The following ROR2 variants were observed in gnomAD, a reference collection of about 807,000 sequenced individuals.
ROR2 encodes ROR family WNT receptor 2.
Under a neutral mutation model 74.9 loss-of-function variants are expected in ROR2, and 33 were observed. The observed-to-expected ratio is 0.44, with a 90% CI of 0.33 to 0.59. ROR2 has a LOEUF of 0.59. Among genes scored for constraint, ROR2 ranks in the 20% least tolerant of loss-of-function variants. The pLI, the probability that ROR2 is intolerant of heterozygous loss-of-function variation, is 0.02. For missense variants in ROR2, 1,216 were observed against 1,313.8 expected (o/e 0.93, Z 1.15); for synonymous variants, 586 against 558.7 (o/e 1.05, Z -0.69).
At position 91,741,313 on chromosome 9, in the gene ROR2, A is replaced by G. The variant is rs202237227; in HGVS notation, c.495-3795T>C. ...GACTCTGTCTCAAGTAGTAATAATA[A>G]TAATAATAATAATAATAATAATAAT... On this transcript the variant is annotated intron_variant, in intron 4 of 8. Coordinates refer to ENST00000375708, the MANE Select transcript of ROR2 (RefSeq NM_004560.4). Among the ~76,000 whole-genome samples, 630 of 128,352 alleles carry G rather than the reference A, an allele frequency of 4.9e-3. 4 individuals carry two copies. The highest frequency in any genetic ancestry group is 7.6e-3 in the Non-Finnish European group (479 of 62,896). 84.2% of individuals were successfully genotyped at this position (128,352 alleles called of 152,430 possible).
chr9:91,926,751 C>T (rs1260269604), intron 1 of ROR2, among the ~76,000 whole-genome samples: 1 of 151,552 alleles, frequency 6.6e-6, no homozygotes. Context: ...AAAGGACAAA[C>T]ACTATACGAG....
intron 1 of ROR2, among the ~76,000 whole-genome samples, chr9:91,907,639 G>A (rs572781069): frequency 7.7e-4 from 117 of 152,216 alleles, no homozygotes; most frequent in African/African-American, 2.6e-3. Flanking sequence ...GAAACCTGGC[G>A]CTTCCCACTC....
At chr9:91,887,738 CAAATT>C (rs1320118752) in intron 1 of ROR2, among the ~76,000 whole-genome samples, 1 of 148,594 alleles carries the variant, frequency 6.7e-6, no homozygotes, top group Non-Finnish European at 1.5e-5. Flanking sequence ...ACGGGGCGTA[CAAATT>C]CAACGCCCTC....
intron 2 of ROR2, among the ~76,000 whole-genome samples, chr9:91,766,230 G>A (rs924849638): frequency 2.0e-5 from 3 of 152,148 alleles, no homozygotes; most frequent in African/African-American, 4.8e-5. Flanking sequence ...ACTCCATGAC[G>A]CCTTCAGAAT....
chr9:91,782,854 T>C (rs1826670435), intron 1 of ROR2, among the ~76,000 whole-genome samples: 1 of 152,198 alleles, frequency 6.6e-6, no homozygotes, highest in South Asian at 2.1e-4. Context: ...CAGGGGTAAA[T>C]GTCTGCTATG....
intron 1 of ROR2, among the ~76,000 whole-genome samples, chr9:91,860,507 C>G (rs554630597): frequency 1.3e-5 from 2 of 152,334 alleles, no homozygotes; most frequent in East Asian, 1.9e-4. Context: ...ATTTGGGGAA[C>G]TGGCTCACAG....
intron 1 of ROR2, among the ~76,000 whole-genome samples, chr9:91,785,762 G>A (rs1460800265): frequency 6.6e-6 from 1 of 152,152 alleles, no homozygotes; most frequent in African/African-American, 2.4e-5. Context: ...ATGGGCTCCT[G>A]TTCCTCCACA....
Position 91,733,052 on chromosome 9 carries a change from C to T in ROR2, c.937+70G>A. ...GGGCTCCCTGGGCTTCACCGACACC[C>T]CCATACACATTTCAAGGGCCCTACA... On this transcript the variant is annotated intron_variant, in intron 6 of 8. Coordinates refer to ENST00000375708, the MANE Select transcript of ROR2 (RefSeq NM_004560.4). The surrounding 1 kb of genome is among the most constrained non-coding windows in gnomAD (Gnocchi z 5.7). 2.1e-6 allele frequency: 3 copies of T among 1,439,926 alleles called. No homozygotes were observed. The highest frequency in any genetic ancestry group is 2.5e-5 in the South Asian group (2 of 81,190). 89.2% of individuals were successfully genotyped at this position (1,439,926 alleles called of 1,614,324 possible). A position where few individuals can be genotyped will look rare whatever the true frequency, so the allele number is the denominator to read the frequency against.
Position 91,733,465 on chromosome 9 carries a change from G to A in ROR2, c.623-29C>T, listed in dbSNP as rs199565002. 4.0e-4 allele frequency: 636 copies of A among 1,599,912 alleles called. 3 individuals are homozygous for A. The African/African-American group carries it at 7.0e-3, about 18-fold the overall frequency. Reference sequence around the variant, plus strand: ...CAGAGCCCGCGAGACTCGCGTTAGCGGGGGACCCACCTTGCGCCCTTGACA... The same window carrying A: ...CAGAGCCCGCGAGACTCGCGTTAGCAGGGGACCCACCTTGCGCCCTTGACA... On this transcript the variant is annotated intron_variant, in intron 5 of 8. Transcript: ENST00000375708. The surrounding 1 kb of genome is among the most constrained non-coding windows in gnomAD (Gnocchi z 5.7).
intron 1 of ROR2, among the ~76,000 whole-genome samples, chr9:91,932,661 C>CA (rs200420615): frequency 0.067 from 8,634 of 129,524 alleles, 520 homozygotes; most frequent in East Asian, 0.27. Flanking sequence ...GAGACTGTCT[C>CA]AAAAAAAAAA....
intron 1 of ROR2, among the ~76,000 whole-genome samples, chr9:91,830,599 C>G (rs1296907422): frequency 6.6e-6 from 1 of 152,142 alleles, no homozygotes; most frequent in African/African-American, 2.4e-5. Context: ...AGACTGGAGC[C>G]CACCAGCCTC....
chr9:91,782,584 CAAAAA>C (rs55664591), intron 1 of ROR2, among the ~76,000 whole-genome samples: 8 of 79,792 alleles, frequency 1.0e-4, no homozygotes, highest in Middle Eastern at 0.014. Flanking sequence ...TAGCTGATAG[CAAAAA>C]AAAAAAAAAA....
At chr9:91,886,983 C>T (rs1271369597) in intron 1 of ROR2, 2 of 152,264 alleles carry the variant, frequency 1.3e-5, no homozygotes, top group East Asian at 3.9e-4. Flanking sequence ...GAAATACAAC[C>T]TCTTCAAAAA....
At position 91,756,122 on chromosome 9, in the gene ROR2, G is replaced by C. The variant is rs771151335; in HGVS notation, c.464-21C>G. On this transcript the variant is annotated intron_variant, in intron 3 of 8. Transcript: ENST00000375708. ...TGGACCTAAAAAGAGGAAACAAAAA[G>C]ACAAGTTATTAATACTCCATGATTT... 3 of 1,612,622 alleles carry C rather than the reference G, an allele frequency of 1.9e-6. No homozygotes were observed. The East Asian group carries it at 6.7e-5, about 36-fold the overall frequency.
At chr9:91,847,473 C>T (rs749895925) in intron 1 of ROR2, among the ~76,000 whole-genome samples, 1 of 152,230 alleles carries the variant, frequency 6.6e-6, no homozygotes, top group Non-Finnish European at 1.5e-5. Flanking sequence ...ATATACTCCC[C>T]CAGAAAGGGC....
chr9:91,742,762 T>C (rs777557633), intron 4 of ROR2, among the ~76,000 whole-genome samples: 4 of 152,186 alleles, frequency 2.6e-5, no homozygotes, highest in Admixed American at 6.5e-5. Flanking sequence ...TGTACAGTAA[T>C]GTGTAATGTC....
chr9:91,929,545 A>T (rs1288800203), intron 1 of ROR2, among the ~76,000 whole-genome samples: 1 of 152,218 alleles, frequency 6.6e-6, no homozygotes, highest in Non-Finnish European at 1.5e-5. Flanking sequence ...TCATGTTTAG[A>T]GACACAAAAG....
intron 7 of ROR2, among the ~76,000 whole-genome samples, chr9:91,728,115 G>A (rs755095995): frequency 1.3e-5 from 2 of 152,186 alleles, no homozygotes; most frequent in Non-Finnish European, 2.9e-5. Context: ...GACCAGAGGT[G>A]TGAGCTCACA....
Position 91,775,794 on chromosome 9 carries a change from T to C in ROR2, c.122A>G (p.Asn41Ser). 1 of 1,614,180 alleles carries C rather than the reference T, an allele frequency of 6.2e-7. No individual in the cohort carries two copies. The highest frequency in any genetic ancestry group is 8.5e-7 in the Non-Finnish European group (1 of 1,180,026). Reference sequence around the variant, plus strand: ...CCCATCAAGGGGTCCTAAAGGGTCGTTCGGATCCAGAACCTCCACTTCACC... The same window carrying C: ...CCCATCAAGGGGTCCTAAAGGGTCGCTCGGATCCAGAACCTCCACTTCACC... ...TSGEVEVLDP[N>S]DPLGPLDGQD... The change falls in exon 2 of 9, where the codon AAC (asparagine) becomes AGC (serine). Residue 41 changes from asparagine (N) to serine (S), a missense_variant. Coordinates refer to ENST00000375708, the MANE Select transcript of ROR2 (RefSeq NM_004560.4).
Sources: allele counts gnomAD v4.1 joint callset (sites outside exome capture counted in the v4.1 genomes callset), GRCh38; gene constraint gnomAD v4.1.1; non-coding constraint Gnocchi (gnomAD v3.1); transcripts MANE v1.5; gene names NCBI Gene and HGNC (gene_info 2026-07-23, HGNC 2026-07-21).